ATF1: variants seen among roughly 807,000 people sequenced by gnomAD.
ATF1 encodes cyclic AMP-dependent transcription factor ATF-1.
Under a neutral mutation model 34.7 loss-of-function variants are expected in ATF1, and 16 were observed. That is an observed-to-expected ratio of 0.46 (90% CI 0.31 to 0.70). The LOEUF (loss-of-function observed/expected upper bound fraction) is 0.70, where lower values mean the gene tolerates loss of function less well. Ranked by LOEUF, ATF1 falls within the 30% of genes least tolerant of loss-of-function variation. ATF1 has a pLI of 0.05. For synonymous variants in ATF1, 105 were observed against 113.1 expected (o/e 0.93, Z 0.46); for missense variants, 255 against 321.6 (o/e 0.79, Z 1.58).
chr12:50,797,726 C>A (rs903526319), intron 3 of ATF1, among the ~76,000 whole-genome samples: 2 of 152,134 alleles, frequency 1.3e-5, no homozygotes, highest in African/African-American at 4.8e-5. Context: ...CCACCTCAGC[C>A]TCCCAAAGTG....
intron 1 of ATF1, among the ~76,000 whole-genome samples, chr12:50,769,927 T>C (rs930353710): frequency 2.6e-5 from 4 of 152,240 alleles, no homozygotes; most frequent in East Asian, 1.9e-4. Context: ...AGAATGTTCA[T>C]GAATATCAAA....
chr12:50,771,371 T>C (rs529468401), intron 1 of ATF1, among the ~76,000 whole-genome samples: 210 of 152,300 alleles, frequency 1.4e-3, no homozygotes, highest in African/African-American at 4.9e-3. Flanking sequence ...AGGACAAGCT[T>C]ACTGAACGTT....
chr12:50,800,434 T>A (rs181626119), intron 3 of ATF1, among the ~76,000 whole-genome samples: 2 of 152,308 alleles, frequency 1.3e-5, no homozygotes, highest in Non-Finnish European at 2.9e-5. Context: ...GCAAATATAA[T>A]GGACAGTTCC....
intron 2 of ATF1, among the ~76,000 whole-genome samples, chr12:50,789,149 A>C (rs1369405237): frequency 5.9e-5 from 9 of 151,696 alleles, no homozygotes; most frequent in African/African-American, 2.2e-4. Context: ...TGCAATCTCA[A>C]CTCACTACAA....
chr12:50,804,429 G>T (rs535439015), intron 3 of ATF1, among the ~76,000 whole-genome samples: 16 of 152,156 alleles, frequency 1.1e-4, no homozygotes, highest in Non-Finnish European at 2.2e-4. Context: ...TCACACCTGT[G>T]ATCTCAGCCC....
At chr12:50,764,743 C>T (rs1310033407) in intron 1 of ATF1, 2 of 152,292 alleles carry the variant, frequency 1.3e-5, no homozygotes, top group Non-Finnish European at 2.9e-5. Context: ...GCGACAGGGT[C>T]CTCGAAGCGC....
At chr12:50,816,495 G>A (rs185785943) in intron 6 of ATF1, among the ~76,000 whole-genome samples, 345 of 152,268 alleles carry the variant, frequency 2.3e-3, no homozygotes, top group Non-Finnish European at 3.0e-3. Context: ...TTAATACTCA[G>A]GTGATGGACA....
chr12:50,812,542 C>A (rs1455932572), intron 4 of ATF1, among the ~76,000 whole-genome samples: 1 of 152,122 alleles, frequency 6.6e-6, no homozygotes, highest in Non-Finnish European at 1.5e-5. Context: ...AACTTCACAG[C>A]AAATCTCAGC....
intron 4 of ATF1, among the ~76,000 whole-genome samples, chr12:50,811,382 C>T (rs1476768994): frequency 1.3e-5 from 2 of 152,000 alleles, no homozygotes; most frequent in African/African-American, 4.8e-5. Context: ...GGGAAAGAAC[C>T]TTTTGTTTCA....
intron 2 of ATF1, among the ~76,000 whole-genome samples, chr12:50,781,278 T>C (rs774013057): frequency 5.3e-5 from 8 of 152,160 alleles, no homozygotes; most frequent in Non-Finnish European, 1.0e-4. Context: ...GTAAATGCTA[T>C]GTGAATAGTT....
At chr12:50,767,506 G>A (rs542152303) in intron 1 of ATF1, among the ~76,000 whole-genome samples, 25 of 152,216 alleles carry the variant, frequency 1.6e-4, no homozygotes, top group African/African-American at 4.3e-4. Context: ...GCAACAGAGC[G>A]AGACTCCATG....
intron 1 of ATF1, among the ~76,000 whole-genome samples, chr12:50,776,341 T>A (rs994070576): frequency 4.1e-5 from 6 of 145,166 alleles, no homozygotes; most frequent in African/African-American, 1.0e-4. Flanking sequence ...AATTTTTTTT[T>A]AATTAGCCAG....
intron 6 of ATF1, 95 bp downstream of exon 6, chr12:50,814,534 T>C (rs917950752): frequency 8.7e-6 from 11 of 1,265,436 alleles, no homozygotes; most frequent in Non-Finnish European, 1.1e-5. Context: ...AGTCATGGGC[T>C]GCATGACAAT....
chr12:50,808,257 T>C (rs752338992), intron 3 of ATF1, among the ~76,000 whole-genome samples: 13 of 152,230 alleles, frequency 8.5e-5, no homozygotes, highest in Non-Finnish European at 1.0e-4. Context: ...TTATTCATCA[T>C]TGATACGCTG....
At chr12:50,797,917 C>T (rs1941440396) in intron 3 of ATF1, among the ~76,000 whole-genome samples, 1 of 152,082 alleles carries the variant, frequency 6.6e-6, no homozygotes, top group South Asian at 2.1e-4. Context: ...GTGGCTCACG[C>T]CTGTAATCCC....
intron 1 of ATF1, 44 bp downstream of exon 1, chr12:50,764,351 G>A (rs1407190246): frequency 6.6e-6 from 1 of 151,656 alleles, no homozygotes; most frequent in African/African-American, 2.4e-5. Flanking sequence ...GCCCGGGCGG[G>A]GAAGGACGCG....
intron 6 of ATF1, among the ~76,000 whole-genome samples, chr12:50,818,869 G>T (rs899095118): frequency 6.6e-5 from 10 of 152,222 alleles, no homozygotes; most frequent in African/African-American, 2.2e-4. Context: ...GCCTCTTAAA[G>T]TGCTGGGATT....
At chr12:50,790,197 ATTTTTTTTTT>A (rs71086483) in intron 2 of ATF1, among the ~76,000 whole-genome samples, 1 of 119,414 alleles carries the variant, frequency 8.4e-6, no homozygotes, top group Non-Finnish European at 1.7e-5. Context: ...TGTGGGTTCT[ATTTTTTTTTT>A]TTTTTTTTTT....
At chr12:50,776,048 C>T (rs1329551904) in intron 1 of ATF1, among the ~76,000 whole-genome samples, 2 of 152,162 alleles carry the variant, frequency 1.3e-5, no homozygotes, top group Non-Finnish European at 2.9e-5. Context: ...CACGGTGGCT[C>T]ACGCCTGTAA....
Sources: gnomAD v4.1 joint callset for allele counts (sites outside exome capture counted in the v4.1 genomes callset) on GRCh38, gnomAD v4.1.1 for gene constraint, MANE v1.5 for transcripts, NCBI Gene and HGNC (gene_info 2026-07-23, HGNC 2026-07-21) for gene names.